Variants in ANXA4 observed in about 807,000 individuals in gnomAD.
ANXA4 encodes 35-beta calcimedin.
ANXA4 carries 39 observed loss-of-function variants against 49.8 expected under a neutral mutation model. The observed-to-expected ratio is 0.78, with a 90% CI of 0.61 to 1.02. The LOEUF is 1.02. Among genes scored for constraint, ANXA4 ranks in the 50% least tolerant of loss-of-function variants. The pLI is 0.00. For synonymous variants in ANXA4, 134 were observed against 152.5 expected (o/e 0.88, Z 0.89); for missense variants, 360 against 410.1 (o/e 0.88, Z 1.05).
chr2:69,817,608 C>A (rs1237693322), intron 9 of ANXA4: 1 of 152,190 alleles, frequency 6.6e-6, no homozygotes, highest in Non-Finnish European at 1.5e-5. Context: ...CAGATTTGAA[C>A]AGACAGCTGA....
At chr2:69,671,743 C>T (rs1171273265) in intron 2 of ANXA4, among the ~76,000 whole-genome samples, 1 of 152,062 alleles carries the variant, frequency 6.6e-6, no homozygotes, top group Non-Finnish European at 1.5e-5. Flanking sequence ...TATATATACA[C>T]ACATATGAAT....
At chr2:69,699,679 GA>G (rs957328936) in intron 2 of ANXA4, among the ~76,000 whole-genome samples, 4 of 151,436 alleles carry the variant, frequency 2.6e-5, no homozygotes, top group Admixed American at 1.3e-4. Context: ...AACAACAACA[GA>G]AAAAAAACAA....
chr2:69,645,000 A>G (rs527961758), intron 1 of ANXA4: 198 of 152,210 alleles, frequency 1.3e-3, no homozygotes, highest in African/African-American at 4.6e-3. Flanking sequence ...ACCTACCATG[A>G]TTTATTAATA....
At chr2:69,773,020 AAAAG>A (rs60683880) in intron 1 of ANXA4, among the ~76,000 whole-genome samples, 9,964 of 151,748 alleles carry the variant, frequency 0.066, 863 homozygotes, top group Admixed American at 0.21. Context: ...TCTCAAAAAA[AAAAG>A]AAAGAAAGAA....
At chr2:69,806,196 C>G (rs1673435286) in intron 4 of ANXA4, among the ~76,000 whole-genome samples, 189 bp from the exon 5 acceptor site, 1 of 152,118 alleles carries the variant, frequency 6.6e-6, no homozygotes, top group Non-Finnish European at 1.5e-5. Context: ...TAGGAAAACC[C>G]CACTGTATGC....
At chr2:69,824,490 G>A (rs4853034) in intron 12 of ANXA4, among the ~76,000 whole-genome samples, 8,587 of 137,568 alleles carry the variant, frequency 0.062, 735 homozygotes, top group Admixed American at 0.24. Context: ...GCCACAGAAC[G>A]AGACTCCGTC....
At chr2:69,781,873 T>C (rs1217139649) in intron 2 of ANXA4, among the ~76,000 whole-genome samples, 1 of 152,148 alleles carries the variant, frequency 6.6e-6, no homozygotes, top group African/African-American at 2.4e-5. Flanking sequence ...TTTTAGAACA[T>C]TTAAAAAGGA....
chr2:69,793,874 T>C (rs2103744554), intron 3 of ANXA4, among the ~76,000 whole-genome samples: 1 of 152,148 alleles, frequency 6.6e-6, no homozygotes, highest in East Asian at 1.9e-4. Context: ...AAAAAAAGTT[T>C]CCAGATTTAT....
At chr2:69,778,454 G>A (rs772019967) in intron 1 of ANXA4, among the ~76,000 whole-genome samples, 1 of 152,132 alleles carries the variant, frequency 6.6e-6, no homozygotes, top group East Asian at 1.9e-4. Flanking sequence ...GTCAGAAAAG[G>A]CCTGGTTGAT....
chr2:69,757,266 ATTTTTTTTTT>A (rs1177266386), intron 1 of ANXA4, among the ~76,000 whole-genome samples: 7 of 27,646 alleles, frequency 2.5e-4, no homozygotes, highest in East Asian at 1.1e-3. Flanking sequence ...ATATATATAT[ATTTTTTTTTT>A]TTTTTTTTTT....
At chr2:69,760,081 C>T (rs1671219549) in intron 1 of ANXA4, among the ~76,000 whole-genome samples, 1 of 152,216 alleles carries the variant, frequency 6.6e-6, no homozygotes, top group African/African-American at 2.4e-5. Flanking sequence ...ATCCACCCGC[C>T]TCGGCCTCCC....
intron 3 of ANXA4, among the ~76,000 whole-genome samples, chr2:69,789,572 A>G (rs1672582940): frequency 6.6e-6 from 1 of 152,228 alleles, no homozygotes; most frequent in Middle Eastern, 3.4e-3. Context: ...TTTAATAGGC[A>G]AAAGAAAAGA....
chr2:69,755,983 T>C (rs1226657030), intron 1 of ANXA4, among the ~76,000 whole-genome samples: 1 of 152,250 alleles, frequency 6.6e-6, no homozygotes, highest in Non-Finnish European at 1.5e-5. Flanking sequence ...AAACTAGTAT[T>C]AATGTGTAAT....
At chr2:69,727,796 C>T (rs759384000) in intron 3 of ANXA4, among the ~76,000 whole-genome samples, 9 of 152,228 alleles carry the variant, frequency 5.9e-5, no homozygotes, top group Non-Finnish European at 1.0e-4. Context: ...GAGCTTATTA[C>T]GATTTTAACA....
At chr2:69,741,472 G>C (rs932717264), upstream of ANXA4, among the ~76,000 whole-genome samples, 11 of 152,224 alleles carry the variant, frequency 7.2e-5, no homozygotes, top group Non-Finnish European at 2.9e-5. Context: ...CAAAGATCCG[G>C]GGCTGCTCCT....
chr2:69,747,383 C>G (rs138974688), intron 1 of ANXA4, among the ~76,000 whole-genome samples: 24 of 152,282 alleles, frequency 1.6e-4, no homozygotes, highest in African/African-American at 5.1e-4. Context: ...AGCATCTTCT[C>G]TCTTACTCCT....
chr2:69,671,024 T>G (rs1049844210), intron 2 of ANXA4, among the ~76,000 whole-genome samples: 3 of 58,482 alleles, frequency 5.1e-5, no homozygotes, highest in African/African-American at 2.4e-4. Flanking sequence ...AGACTCCATC[T>G]CAAAAAAAAA....
At chr2:69,660,267 G>C (rs1235025566) in intron 2 of ANXA4, among the ~76,000 whole-genome samples, 2 of 152,116 alleles carry the variant, frequency 1.3e-5, no homozygotes, top group Non-Finnish European at 2.9e-5. Context: ...AAATTAAGAA[G>C]TTAACATAAA....
intron 1 of ANXA4, among the ~76,000 whole-genome samples, chr2:69,762,603 A>C (rs747296553): frequency 3.3e-5 from 5 of 152,174 alleles, no homozygotes; most frequent in Non-Finnish European, 7.3e-5. Context: ...GTATGTATTT[A>C]TGTATATTAA....
Sources: allele counts gnomAD v4.1 joint callset (sites outside exome capture counted in the v4.1 genomes callset), GRCh38; gene constraint gnomAD v4.1.1; transcripts MANE v1.5; gene names NCBI Gene and HGNC (gene_info 2026-07-23, HGNC 2026-07-21).